ZNF678: variants seen among roughly 807,000 people sequenced by gnomAD.
ZNF678 encodes zinc finger protein 678.
A neutral mutation model predicts 3.0 loss-of-function variants in ZNF678; 5 were observed. That is an observed-to-expected ratio of 1.69 (90% CI 0.88 to 3.56). The LOEUF is 3.56. ZNF678 is among the 30% of genes most tolerant of loss of function. The probability of loss-of-function intolerance (pLI) is 0.00; values close to 1 mark genes in which losing one functional copy is unlikely to be tolerated. For synonymous variants in ZNF678, 218 were observed against 199.6 expected (o/e 1.09, Z -0.78); for missense variants, 593 against 605.0 (o/e 0.98, Z 0.21).
At chr1:227,641,478 A>T (rs900643041) in intron 1 of ZNF678, among the ~76,000 whole-genome samples, 8 of 151,968 alleles carry the variant, frequency 5.3e-5, no homozygotes, top group Non-Finnish European at 8.8e-5. Flanking sequence ...TCAATTTTAT[A>T]AAAAAAAGCA....
At chr1:227,643,222 G>A (rs946875172) in intron 1 of ZNF678, among the ~76,000 whole-genome samples, 1 of 152,154 alleles carries the variant, frequency 6.6e-6, no homozygotes, top group Non-Finnish European at 1.5e-5. Flanking sequence ...AGCAATGGTG[G>A]TGGCAGTAAA....
chr1:227,632,597 C>G (rs771252069), intron 1 of ZNF678, among the ~76,000 whole-genome samples: 1 of 152,034 alleles, frequency 6.6e-6, no homozygotes, highest in Non-Finnish European at 1.5e-5. Context: ...CGCTCCCAAC[C>G]CAGAAGGGTT....
intron 1 of ZNF678, among the ~76,000 whole-genome samples, chr1:227,585,778 C>CAA (rs59546856): frequency 1.9e-4 from 28 of 148,176 alleles, no homozygotes; most frequent in Non-Finnish European, 2.5e-4. Flanking sequence ...TCAGTCCCCC[C>CAA]AAAAAAAAAC....
intron 5 of ZNF678, among the ~76,000 whole-genome samples, chr1:227,674,875 G>A (rs1438174725): frequency 6.6e-6 from 1 of 152,154 alleles, no homozygotes. Flanking sequence ...ATAGGCGTGA[G>A]CCACTGCACG....
chr1:227,666,581 A>G (rs1207570818), downstream of ZNF678, among the ~76,000 whole-genome samples: 2 of 152,102 alleles, frequency 1.3e-5, no homozygotes. Flanking sequence ...TAAGTTTCTT[A>G]TGCTCAGTGA....
chr1:227,566,540 A>G (rs1259061351), intron 1 of ZNF678, among the ~76,000 whole-genome samples: 12 of 152,194 alleles, frequency 7.9e-5, no homozygotes, highest in Non-Finnish European at 1.6e-4. Flanking sequence ...AGTGAGCAGA[A>G]TGAGGGGTGG....
At chr1:227,607,796 T>C (rs1184135638) in intron 1 of ZNF678, among the ~76,000 whole-genome samples, 1 of 147,448 alleles carries the variant, frequency 6.8e-6, no homozygotes, top group Non-Finnish European at 1.5e-5. Flanking sequence ...TAATATATGC[T>C]ATATTATTTA....
chr1:227,672,269 A>G (rs1160762259), intron 5 of ZNF678, among the ~76,000 whole-genome samples: 1 of 152,120 alleles, frequency 6.6e-6, no homozygotes, highest in African/African-American at 2.4e-5. Context: ...AGATTAGGGA[A>G]CAGTAGGGGG....
At chr1:227,606,207 C>T (rs3010196) in intron 1 of ZNF678, among the ~76,000 whole-genome samples, 72,611 of 151,966 alleles carry the variant, frequency 0.48, 18,607 homozygotes, top group African/African-American at 0.66. Flanking sequence ...TATTGATTAC[C>T]ATTTTCACTA....
intron 1 of ZNF678, among the ~76,000 whole-genome samples, chr1:227,592,085 A>G (rs1048885770): frequency 1.8e-4 from 27 of 152,172 alleles, no homozygotes; most frequent in African/African-American, 6.3e-4. Context: ...GGTTGGGCCC[A>G]CTAGAATAAA....
intron 1 of ZNF678, among the ~76,000 whole-genome samples, chr1:227,620,857 A>G (rs1237132149): frequency 6.6e-6 from 1 of 152,186 alleles, no homozygotes; most frequent in Admixed American, 6.5e-5. Context: ...TTTAAGAAAT[A>G]ATTACTTAGC....
rs774478709 is a variant in ZNF678, at chr1:227,654,369, C to G, written c.119C>G (p.Pro40Arg). Residue 40 changes from proline to arginine, a missense_variant, in exon 4 of 4, where the codon CCA becomes CGA. Pro to Arg is a moderately radical substitution (Grantham distance 103). Transcript: ENST00000343776. ...TCTTATTCCATTCAAGACCTTTTGCCAGAGCAGGATATGAAAGATTTATGC... is the reference window on the plus strand; with the variant it reads ...TCTTATTCCATTCAAGACCTTTTGCGAGAGCAGGATATGAAAGATTTATGC... Reference protein sequence around the residue: ...ILSYSIQDLLPEQDMKDLCQK... With the variant: ...ILSYSIQDLLREQDMKDLCQK... 6.3e-7 allele frequency: 1 copy of G among 1,575,964 alleles called. No individual in the cohort carries two copies. The highest frequency in any genetic ancestry group is 1.2e-5 in the South Asian group (1 of 83,972).
chr1:227,659,120 T>C lies in ZNF678; in HGVS notation c.*3292T>C, dbSNP rs1048951508. ...AGACAATAATAAACATTTACATTTA[T>C]GTTTACATTTATATTTAATTTTTCA... is the stretch of plus-strand genomic sequence containing the variant. On this transcript the variant is annotated 3_prime_UTR_variant, in exon 4 of 4. Transcript: ENST00000343776. 5.9e-5 allele frequency: 9 copies of C among 152,094 alleles called. No individual in the cohort carries two copies. Among genetic ancestry groups the C allele is most frequent in the African/African-American group, 2.2e-4 (9 of 41,450 alleles). The allele number at this position is 152,094 out of a possible 1,614,324, so 9.4% of individuals were successfully genotyped here. A position where few individuals can be genotyped will look rare whatever the true frequency, so the allele number is the denominator to read the frequency against.
At chr1:227,568,406 TA>T (rs35928670) in intron 1 of ZNF678, among the ~76,000 whole-genome samples, 174 of 93,312 alleles carry the variant, frequency 1.9e-3, no homozygotes, top group African/African-American at 6.0e-3. Flanking sequence ...TGTAATAGGT[TA>T]AAAAAAAAGG....
chr1:227,621,465 T>C (rs1057317029), intron 1 of ZNF678, among the ~76,000 whole-genome samples: 1 of 152,136 alleles, frequency 6.6e-6, no homozygotes, highest in Non-Finnish European at 1.5e-5. Flanking sequence ...GAAGTTCATA[T>C]ATGTCTCCTT....
chr1:227,619,010 G>T (rs189589941), intron 1 of ZNF678, among the ~76,000 whole-genome samples: 21 of 152,204 alleles, frequency 1.4e-4, no homozygotes, highest in African/African-American at 5.1e-4. Context: ...AGTGAGGGGG[G>T]ACCTGCCAAA....
chr1:227,563,600 C>G lies in ZNF678; in HGVS notation c.-288C>G, dbSNP rs545789165. 6 of 1,047,398 alleles carry G rather than the reference C, an allele frequency of 5.7e-6. No individual in the cohort carries two copies. The highest frequency in any genetic ancestry group is 2.4e-4 in the Middle Eastern group (1 of 4,204). 64.9% of individuals were successfully genotyped at this position (1,047,398 alleles called of 1,614,324 possible). On this transcript the variant is annotated 5_prime_UTR_variant, in exon 1 of 4. Transcript: ENST00000343776. ...TGGAGCTTTGGTCCCGTATTCTCGG[C>G]TATTTATCCCCAGCTGCGGGAGGCC...
At chr1:227,621,260 AT>A (rs983695605) in intron 1 of ZNF678, among the ~76,000 whole-genome samples, 2 of 152,074 alleles carry the variant, frequency 1.3e-5, no homozygotes, top group African/African-American at 4.8e-5. Flanking sequence ...AAAAGTTTCT[AT>A]TTTTTCTCAT....
At position 227,669,096 on chromosome 1, in the gene ZNF678, GA is replaced by G. The variant is rs775949798; in HGVS notation, c.227-8071del. Among the ~76,000 whole-genome samples, 812 of 138,562 alleles carry G rather than the reference GA, an allele frequency of 5.9e-3. 18 individuals carry two copies. In the South Asian group the frequency reaches 0.063, roughly 11 times the overall value. 90.9% of individuals were successfully genotyped at this position (138,562 alleles called of 152,430 possible). On this transcript the variant is annotated intron_variant, in intron 5 of 5. Coordinates refer to the ZNF678 transcript ENST00000608949. ...TAAACTAAAGATTTTCTGCAAAGTGGAAAAAAAAAAAACCACTAACAGAGTA... is the reference window on the plus strand; with the variant it reads ...TAAACTAAAGATTTTCTGCAAAGTGGAAAAAAAAAAACCACTAACAGAGTA...
Sources: allele counts gnomAD v4.1 joint callset (sites outside exome capture counted in the v4.1 genomes callset), GRCh38; gene constraint gnomAD v4.1.1; transcripts MANE v1.5; gene names NCBI Gene and HGNC (gene_info 2026-07-23, HGNC 2026-07-21).